Variants in FOXRED2 observed in about 807,000 individuals in gnomAD.
FOXRED2 encodes the protein FAD-dependent oxidoreductase domain-containing protein 2.
Under a neutral mutation model 52.5 loss-of-function variants are expected in FOXRED2, and 32 were observed. The ratio of observed to expected loss-of-function variants is 0.61; its 90% CI spans 0.46 to 0.82. The LOEUF (loss-of-function observed/expected upper bound fraction) is 0.82, where lower values mean the gene tolerates loss of function less well. Among genes scored for constraint, FOXRED2 ranks in the 40% least tolerant of loss-of-function variants. The pLI is 0.00. For missense variants in FOXRED2, 848 were observed against 937.5 expected, an observed-to-expected ratio of 0.90 and a Z score of 1.25; for synonymous variants, 405 against 398.1, an observed-to-expected ratio of 1.02 and a Z score of -0.21.
chr22:36,504,911 T>C (rs1374380843), intron 2 of FOXRED2, 145 bp from the exon 3 acceptor site: 2 of 850,934 alleles, frequency 2.4e-6, no homozygotes, highest in African/African-American at 1.7e-5. Flanking sequence ...TCATTCATTT[T>C]TCATTCATTC....
chr22:36,491,323 A>G (rs1454981839), intron 8 of FOXRED2, among the ~76,000 whole-genome samples: 3 of 152,072 alleles, frequency 2.0e-5, no homozygotes, highest in African/African-American at 7.2e-5. Flanking sequence ...TCCCCGCCCA[A>G]ATCTCATGTT....
chr22:36,502,700 T>C (rs1174157870), intron 4 of FOXRED2, among the ~76,000 whole-genome samples: 1 of 152,034 alleles, frequency 6.6e-6, no homozygotes, highest in Non-Finnish European at 1.5e-5. Context: ...CTCTCTTTTT[T>C]TGTTTTTGAG....
rs773599873 is a variant in FOXRED2 at position 36,504,229 on chromosome 22, T to G, written c.918A>C (p.Glu306Asp). 1.3e-5 allele frequency: 21 copies of G among 1,614,220 alleles called. 1 individual carries two copies. The South Asian group carries it at 2.3e-4, about 18-fold the overall frequency. The part of the protein sequence containing the change: ...FHVTPKFFLE[E>D]ANTNQSADSI... ...AGTCGGCACTCTGGTTGGTGTTGGC[T>G]TCTTCCAGGAAGAATTTCGGGGTGA... Residue 306 changes from glutamate (E) to aspartate (D), a missense_variant, in exon 4 of 9, where the codon GAA becomes GAC. Glu to Asp is a conservative substitution (Grantham distance 45). Coordinates refer to ENST00000397224, the MANE Select transcript of FOXRED2 (RefSeq NM_001102371.2).
At position 36,497,982 on chromosome 22, in the gene FOXRED2, G is replaced by T; in HGVS notation, c.1382+9C>A. On this transcript the variant is annotated intron_variant, in intron 6 of 8. Transcript: ENST00000397224. ...GCCGAGGGGAGTAGGGTGGGGACGG[G>T]CTACTCACTCCTTCAACAGGATGAC... The T allele has an allele frequency of 6.2e-7, 1 of 1,612,364 alleles. No homozygotes were observed. The highest frequency in any genetic ancestry group is 1.3e-5 in the African/African-American group (1 of 74,994).
chr22:36,499,425 G>A (rs540641156), intron 5 of FOXRED2, among the ~76,000 whole-genome samples: 1 of 152,110 alleles, frequency 6.6e-6, no homozygotes, highest in African/African-American at 2.4e-5. Context: ...AGACCAGCCT[G>A]GGCAACATGG....
chr22:36,493,653 T>C lies in FOXRED2; in HGVS notation c.1775A>G (p.Asp592Gly), dbSNP rs1317149933. Residue 592 changes from aspartate (D) to glycine (G), a missense_variant, in exon 8 of 9, where the codon GAT becomes GGT. Coordinates refer to ENST00000397224, the MANE Select transcript of FOXRED2 (RefSeq NM_001102371.2). ...GTTACCTGCATAGAAGCTTCGCAAA[T>C]CGGTGTCCAAACAGTTCTCCAGGAA... ...RRFLENCLDT[D>G]LRSFYAESCF... The C allele has an allele frequency of 6.2e-7, 1 of 1,613,960 alleles. No individual in the cohort carries two copies. Among genetic ancestry groups the C allele is most frequent in the African/African-American group, 1.3e-5 (1 of 74,922 alleles).
Position 36,495,987 on chromosome 22 carries a change from T to C in FOXRED2, c.1604A>G (p.Tyr535Cys). Residue 535 changes from tyrosine to cysteine, a missense_variant, in exon 7 of 9, where the codon TAC (tyrosine) becomes TGC (cysteine). Tyr to Cys is a radical substitution (Grantham distance 194). Coordinates refer to ENST00000397224, the MANE Select transcript of FOXRED2 (RefSeq NM_001102371.2). ...CTCACCGGTGGGGAGGTATCTATAG[T>C]AGTAGATGACAGGATGAAGAAAGTT... ...QSNFLHPVIYYYRYLPTEQEV... is the reference protein window; with the variant it reads ...QSNFLHPVIYCYRYLPTEQEV... The C allele has an allele frequency of 3.1e-6, 5 of 1,614,132 alleles. No individual in the cohort carries two copies. Among genetic ancestry groups the C allele is most frequent in the Non-Finnish European group, 4.2e-6 (5 of 1,180,000 alleles).
intron 5 of FOXRED2, chr22:36,498,458 C>T (rs1603494934): frequency 6.5e-6 from 2 of 305,740 alleles, no homozygotes; most frequent in Non-Finnish European, 1.2e-5. Flanking sequence ...AGACAACAGG[C>T]AAAGGAGTGA....
chr22:36,490,036 G>A lies in FOXRED2; in HGVS notation c.2027C>T (p.Ser676Phe). ...GAGCTCCTCTTTGTTGCTATCGACGGACTGAGCCAGAGGCCCTGGAGCCAG... is the reference window on the plus strand; with the variant it reads ...GAGCTCCTCTTTGTTGCTATCGACGAACTGAGCCAGAGGCCCTGGAGCCAG... ...SPLAPGPLAQ[S>F]VDSNKEEL Residue 676 changes from serine (S) to phenylalanine (F), a missense_variant, in exon 9 of 9, where the codon TCC (serine) becomes TTC (phenylalanine). Transcript: ENST00000397224. 6.2e-7 allele frequency: 1 copy of A among 1,603,160 alleles called. No homozygotes were observed. Among genetic ancestry groups the A allele is most frequent in the East Asian group, 2.2e-5 (1 of 44,670 alleles).
chr22:36,499,120 C>T (rs1286874501), intron 5 of FOXRED2, among the ~76,000 whole-genome samples: 1 of 152,046 alleles, frequency 6.6e-6, no homozygotes, highest in African/African-American at 2.4e-5. Flanking sequence ...GGGGTTTCAC[C>T]ATGTTGGTCA....
In FOXRED2 at chr22:36,490,116, C is replaced by T; in HGVS notation, c.1947G>A (p.Arg649=). The T allele has an allele frequency of 1.2e-6, 2 of 1,614,010 alleles. No homozygotes were observed. Among genetic ancestry groups the T allele is most frequent in the Non-Finnish European group, 1.7e-6 (2 of 1,179,894 alleles). The change falls in exon 9 of 9, where the codon AGG becomes AGA. Residue 649 remains arginine (R), a synonymous_variant. Transcript: ENST00000397224. The stretch of plus-strand genomic sequence containing the variant: ...GCTGCTGGCTGCTGTCCTCCAGGCG[C>T]CTGCCTGTGGGGGCATAGTCCCGCA... ...RLLRDYAPTG[R]RLEDSSQQLG...
At position 36,506,255 on chromosome 22, in the gene FOXRED2, G is replaced by T; in HGVS notation, c.168C>A (p.Tyr56Ter). The T allele has an allele frequency of 6.2e-7, 1 of 1,611,558 alleles. No homozygotes were observed. Among genetic ancestry groups the T allele is most frequent in the East Asian group, 2.2e-5 (1 of 44,834 alleles). The change falls in exon 2 of 9, where the codon TAC (tyrosine) becomes TAA (stop). Residue 56 changes from tyrosine to a stop codon, truncating the protein, a stop_gained. Coordinates refer to ENST00000397224, the MANE Select transcript of FOXRED2 (RefSeq NM_001102371.2). LOFTEE classifies it high-confidence loss of function. ...AYFLQRAGRDYAVFERAPRPG... is the reference protein window; with the variant it reads ...AYFLQRAGRD ...GCCGCGGGGCCCGCTCGAACACTGCGTAGTCGCGTCCAGCGCGCTGCAGGA... is the reference window on the plus strand; with the variant it reads ...GCCGCGGGGCCCGCTCGAACACTGCTTAGTCGCGTCCAGCGCGCTGCAGGA...
intron 2 of FOXRED2, 81 bp from the exon 3 acceptor site, chr22:36,504,847 C>G (rs779760443): frequency 3.4e-6 from 5 of 1,485,240 alleles, no homozygotes; most frequent in Non-Finnish European, 4.6e-6. Flanking sequence ...TGGACCCACC[C>G]ACCCACCTGC....
chr22:36,494,973 C>G (rs1460250436), intron 7 of FOXRED2, among the ~76,000 whole-genome samples: 1 of 151,984 alleles, frequency 6.6e-6, no homozygotes, highest in East Asian at 1.9e-4. Flanking sequence ...GAGACAGAGT[C>G]TTGCTCTGTA....
At chr22:36,494,369 A>G (rs1002415973) in intron 7 of FOXRED2, among the ~76,000 whole-genome samples, 4 of 151,548 alleles carry the variant, frequency 2.6e-5, no homozygotes, top group Admixed American at 2.0e-4. Context: ...CAGGTGACCC[A>G]CCCGCCTCAG....
chr22:36,503,305 C>T (rs1934103197), intron 4 of FOXRED2, among the ~76,000 whole-genome samples: 1 of 149,840 alleles, frequency 6.7e-6, no homozygotes, highest in South Asian at 2.1e-4. Context: ...CCTCTGCACA[C>T]ATTCTTCTTT....
intron 2 of FOXRED2, among the ~76,000 whole-genome samples, chr22:36,505,519 A>C (rs1264259490): frequency 6.6e-6 from 1 of 152,200 alleles, no homozygotes; most frequent in Non-Finnish European, 1.5e-5. Flanking sequence ...CTGTAATCCC[A>C]GCATTTGGGG....
Position 36,506,074 on chromosome 22 carries a change from C to CACT in FOXRED2, c.348_349insAGT (p.Arg116_Ala117insSer). On this transcript the variant is annotated inframe_insertion, in exon 2 of 9. Transcript: ENST00000397224. ...ATGTCGCGGGCGTCGGGGAAGTAGG[C>CACT]ACGCGAGTAGTGTCTGAAGAGCAGC... 1 of 1,614,254 alleles carries CACT rather than the reference C, an allele frequency of 6.2e-7. No individual in the cohort carries two copies.
chr22:36,492,247 C>G (rs1933775496), intron 8 of FOXRED2, among the ~76,000 whole-genome samples: 1 of 152,202 alleles, frequency 6.6e-6, no homozygotes, highest in Non-Finnish European at 1.5e-5. Context: ...ATCATCCCTT[C>G]TGCAGGGGGC....
Sources: allele counts gnomAD v4.1 joint callset (sites outside exome capture counted in the v4.1 genomes callset), GRCh38; gene constraint gnomAD v4.1.1; transcripts MANE v1.5; gene names NCBI Gene and HGNC (gene_info 2026-07-23, HGNC 2026-07-21).